Variants in PAIP1 observed in about 807,000 individuals in gnomAD.
The protein encoded by PAIP1 is polyadenylate-binding protein-interacting protein 1.
PAIP1 carries 16 observed loss-of-function variants against 61.3 expected under a neutral mutation model. That is an observed-to-expected ratio of 0.26 (90% CI 0.18 to 0.40). The LOEUF (loss-of-function observed/expected upper bound fraction) is 0.40. PAIP1 is among the 10% of genes least tolerant of loss of function. PAIP1 has a pLI of 1.00. For missense variants in PAIP1, 416 were observed against 600.9 expected (o/e 0.69, Z 3.22); for synonymous variants, 187 against 226.2 (o/e 0.83, Z 1.56).
At position 43,556,899 on chromosome 5, in the gene PAIP1, T is replaced by C. The variant is rs978527706; in HGVS notation, c.-53A>G. On this transcript the variant is annotated 5_prime_UTR_variant, in exon 1 of 11. Transcript: ENST00000306846. ...GGGGCCGCTGCCGCTGCGCTCGCGATAGGACGCGGGGGGAAGGCGCCGCGG... is the reference window on the plus strand; with the variant it reads ...GGGGCCGCTGCCGCTGCGCTCGCGACAGGACGCGGGGGGAAGGCGCCGCGG... 8 of 1,342,898 alleles carry C rather than the reference T, an allele frequency of 6.0e-6. No homozygotes were observed. The highest frequency in any genetic ancestry group is 7.6e-6 in the Non-Finnish European group (8 of 1,050,150). 83.2% of individuals were successfully genotyped at this position (1,342,898 alleles called of 1,614,324 possible).
In PAIP1 at chr5:43,535,415, T is replaced by G. The variant is rs1039877323; in HGVS notation, c.1079+119A>C. The G allele has an allele frequency of 4.6e-6, 3 of 658,704 alleles. No homozygotes were observed. The African/African-American group carries it at 5.6e-5, about 12-fold the overall frequency. The allele number at this position is 658,704 out of a possible 1,614,324, so 40.8% of individuals were successfully genotyped here. A position where few individuals can be genotyped will look rare whatever the true frequency, so the allele number is the denominator to read the frequency against. Reference sequence around the variant, plus strand: ...TATTATTCCTTTAAAGAAAAGCATTTTTGTATATCCGTTAGCCATCAACTT... The same window carrying G: ...TATTATTCCTTTAAAGAAAAGCATTGTTGTATATCCGTTAGCCATCAACTT... On this transcript the variant is annotated intron_variant, in intron 7 of 10. Coordinates refer to ENST00000306846, the MANE Select transcript of PAIP1 (RefSeq NM_006451.5).
chr5:43,551,744 T>C (rs1747874639), intron 2 of PAIP1, among the ~76,000 whole-genome samples: 1 of 99,438 alleles, frequency 1.0e-5, no homozygotes, highest in African/African-American at 6.1e-5. Context: ...TGATTTGCAA[T>C]CTTTTTTTTT....
At chr5:43,545,802 G>A (rs542680352) in intron 3 of PAIP1, among the ~76,000 whole-genome samples, 41 of 149,102 alleles carry the variant, frequency 2.7e-4, no homozygotes, top group Middle Eastern at 3.4e-3. Flanking sequence ...TCAGAGTTTC[G>A]CTCGTTGCCC....
intron 7 of PAIP1, 81 bp downstream of exon 7, chr5:43,535,453 T>C (rs1579910137): frequency 2.6e-6 from 2 of 772,248 alleles, no homozygotes; most frequent in Non-Finnish European, 4.6e-6. Flanking sequence ...CCTGCTGAAG[T>C]ATAGCAAATT....
At position 43,548,395 on chromosome 5, in the gene PAIP1, G is replaced by GAA. The variant is rs57478431; in HGVS notation, c.436-484_436-483dup. ...AAATGTTGACAACTTTTTTATTGGG[G>GAA]AAAAAAAAAACAAAAACAAAAACCT... On this transcript the variant is annotated intron_variant, in intron 2 of 10. Coordinates refer to ENST00000306846, the MANE Select transcript of PAIP1 (RefSeq NM_006451.5). Among the ~76,000 whole-genome samples the GAA allele has an allele frequency of 5.5e-4, 81 of 148,404 alleles. No homozygotes were observed. The East Asian group carries it at 6.3e-3, about 11-fold the overall frequency.
In PAIP1 at chr5:43,547,708, C is replaced by A. The variant is rs563702434; in HGVS notation, c.621+20G>T. ...CAAGGAAGCTATCTGAAGGTCACTG[C>A]ATGCTATAAGCCAACATACCTGTTG... On this transcript the variant is annotated intron_variant, in intron 3 of 10. Coordinates refer to ENST00000306846, the MANE Select transcript of PAIP1 (RefSeq NM_006451.5). 1.3e-6 allele frequency: 2 copies of A among 1,555,388 alleles called. No homozygotes were observed. Among genetic ancestry groups the A allele is most frequent in the East Asian group, 2.3e-5 (1 of 44,200 alleles).
chr5:43,528,995 T>A (rs1031661390), intron 10 of PAIP1, among the ~76,000 whole-genome samples: 1 of 152,132 alleles, frequency 6.6e-6, no homozygotes. Context: ...AATTAACATC[T>A]TCTTATCAGT....
intron 2 of PAIP1, among the ~76,000 whole-genome samples, chr5:43,551,121 A>C (rs58107242): frequency 0.011 from 1,744 of 152,288 alleles, 33 homozygotes; most frequent in African/African-American, 0.036. Context: ...CTGGCTCTTA[A>C]GGAAGTAGGA....
chr5:43,545,698 G>A (rs1014532219), intron 3 of PAIP1, among the ~76,000 whole-genome samples: 3 of 151,540 alleles, frequency 2.0e-5, no homozygotes, highest in Non-Finnish European at 4.4e-5. Context: ...ATGAGCTTCC[G>A]CCTTTTAAAA....
At chr5:43,531,316 TAAAAAAAAAATGAA>T (rs1434407328) in intron 9 of PAIP1, among the ~76,000 whole-genome samples, 12 of 142,630 alleles carry the variant, frequency 8.4e-5, no homozygotes, top group African/African-American at 3.1e-4. Flanking sequence ...TGTTTTTCAT[TAAAAAAAAAATGAA>T]AAAAGAAAAA....
intron 3 of PAIP1, among the ~76,000 whole-genome samples, chr5:43,543,824 A>G (rs1373974368): frequency 6.6e-6 from 1 of 152,196 alleles, no homozygotes; most frequent in Non-Finnish European, 1.5e-5. Context: ...TTACCATCTA[A>G]TATTAGGTAA....
Position 43,556,892 on chromosome 5 carries a change from C to T in PAIP1, c.-46G>A. The T allele has an allele frequency of 7.4e-7, 1 of 1,355,326 alleles. No homozygotes were observed. The highest frequency in any genetic ancestry group is 3.1e-5 in the East Asian group (1 of 32,252). 84.0% of individuals were successfully genotyped at this position (1,355,326 alleles called of 1,614,324 possible). ...TCCTCCAGGGGCCGCTGCCGCTGCG[C>T]TCGCGATAGGACGCGGGGGGAAGGC... On this transcript the variant is annotated 5_prime_UTR_variant, in exon 1 of 11. Transcript: ENST00000306846.
intron 3 of PAIP1, among the ~76,000 whole-genome samples, chr5:43,543,792 A>G (rs1747518130): frequency 1.3e-5 from 2 of 152,212 alleles, no homozygotes; most frequent in African/African-American, 2.4e-5. Context: ...TGCAATTTCT[A>G]AAGAATAGTA....
intron 2 of PAIP1, among the ~76,000 whole-genome samples, chr5:43,552,106 T>C (rs1395857688): frequency 6.6e-6 from 1 of 152,190 alleles, no homozygotes; most frequent in Non-Finnish European, 1.5e-5. Context: ...GTACTCTATA[T>C]ACATTGTCAA....
At chr5:43,537,022 T>C in intron 5 of PAIP1, 78 bp from the exon 6 acceptor site, 1 of 1,023,668 alleles carries the variant, frequency 9.8e-7, no homozygotes, top group South Asian at 2.0e-5. Flanking sequence ...AACAAGGTGT[T>C]GGCAAAATAA....
chr5:43,538,226 G>T (rs1216551728), intron 5 of PAIP1, among the ~76,000 whole-genome samples: 1 of 152,074 alleles, frequency 6.6e-6, no homozygotes, highest in African/African-American at 2.4e-5. Context: ...TTGGGGAGAT[G>T]TTGGTCAAAG....
At position 43,534,908 on chromosome 5, in the gene PAIP1, T is replaced by G; in HGVS notation, c.1142A>C (p.His381Pro). The G allele has an allele frequency of 6.2e-7, 1 of 1,610,022 alleles. No homozygotes were observed. The highest frequency in any genetic ancestry group is 1.1e-5 in the South Asian group (1 of 90,998). ...TGCTTCTCTATATGTTGAAGTTGCA[T>G]GGACTCTGCCCCAGTTACTTGACCG... ...ELRSSNWGRVHATSTYREATP... is the reference protein window; with the variant it reads ...ELRSSNWGRVPATSTYREATP... The change falls in exon 8 of 11, where the codon CAT (histidine) becomes CCT (proline). Residue 381 changes from histidine to proline, a missense_variant. Physicochemically the swap from His to Pro is moderately conservative, Grantham distance 77. Coordinates refer to ENST00000306846, the MANE Select transcript of PAIP1 (RefSeq NM_006451.5).
chr5:43,547,685 A>C, intron 3 of PAIP1, 43 bp downstream of exon 3: 1 of 1,327,098 alleles, frequency 7.5e-7, no homozygotes, highest in Middle Eastern at 2.7e-4. Context: ...TTGGGCTTCA[A>C]GGAAGCTATC....
At chr5:43,537,248 C>T (rs1413748169) in intron 5 of PAIP1, among the ~76,000 whole-genome samples, 4 of 152,130 alleles carry the variant, frequency 2.6e-5, no homozygotes, top group East Asian at 1.9e-4. Context: ...TTTGAACACA[C>T]AGCATTTTAT....
Sources: gnomAD v4.1 joint callset for allele counts (sites outside exome capture counted in the v4.1 genomes callset) on GRCh38, gnomAD v4.1.1 for gene constraint, MANE v1.5 for transcripts, NCBI Gene and HGNC (gene_info 2026-07-23, HGNC 2026-07-21) for gene names.